LYST: variants seen among roughly 807,000 people sequenced by gnomAD.
The protein encoded by LYST is lysosomal trafficking regulator.
LYST carries 192 observed loss-of-function variants against 413.6 expected under a neutral mutation model. The ratio of observed to expected loss-of-function variants is 0.46; its 90% CI spans 0.41 to 0.52. The LOEUF (loss-of-function observed/expected upper bound fraction) is 0.52, where lower values mean the gene tolerates loss of function less well. Among genes scored for constraint, LYST ranks in the 20% least tolerant of loss-of-function variants. The pLI, the probability that LYST is intolerant of heterozygous loss-of-function variation, is 0.00. For missense variants in LYST, 3,815 were observed against 4,499.9 expected (o/e 0.85, Z 4.35); for synonymous variants, 1,525 against 1,567.3 (o/e 0.97, Z 0.64).
At chr1:235,699,823 T>C (rs555029038) in intron 45 of LYST, among the ~76,000 whole-genome samples, 3 of 152,324 alleles carry the variant, frequency 2.0e-5, no homozygotes, top group South Asian at 2.1e-4. Flanking sequence ...ATTTCTCTAA[T>C]GATCAGTGAT....
chr1:235,758,873 T>C (rs1667293871), intron 23 of LYST, 99 bp downstream of exon 23: 2 of 986,508 alleles, frequency 2.0e-6, no homozygotes, highest in African/African-American at 1.6e-5. Context: ...CTGTTTGTTG[T>C]ATTATAAGTG....
At chr1:235,737,918 T>TAGAGAG in intron 31 of LYST, 1 of 1,164,684 alleles carries the variant, frequency 8.6e-7, no homozygotes, top group Non-Finnish European at 1.1e-6. Flanking sequence ...TGCCGACGAG[T>TAGAGAG]CTGGATCTCA....
At chr1:235,731,682 C>T (rs1366708334) in intron 34 of LYST, among the ~76,000 whole-genome samples, 1 of 151,700 alleles carries the variant, frequency 6.6e-6, no homozygotes, top group Non-Finnish European at 1.5e-5. Context: ...CCTCAGCCTC[C>T]CAAGTAGCTG....
At chr1:235,874,918 G>A (rs897389037) in intron 1 of LYST, among the ~76,000 whole-genome samples, 1 of 152,180 alleles carries the variant, frequency 6.6e-6, no homozygotes, top group Non-Finnish European at 1.5e-5. Context: ...GGGATGGACA[G>A]CAAGGGTGTT....
chr1:235,707,243 A>T (rs891665205), intron 44 of LYST, among the ~76,000 whole-genome samples: 1 of 152,132 alleles, frequency 6.6e-6, no homozygotes, highest in African/African-American at 2.4e-5. Flanking sequence ...TTACTTTTGC[A>T]TCCCCAGCAC....
At chr1:235,738,731 C>T in intron 31 of LYST, 1 of 1,477,028 alleles carries the variant, frequency 6.8e-7, no homozygotes, top group Non-Finnish European at 9.5e-7. Context: ...TGATCAAACT[C>T]AAAGGCTACA....
intron 31 of LYST, chr1:235,737,526 G>A (rs924846267): frequency 6.6e-6 from 1 of 152,196 alleles, no homozygotes; most frequent in Non-Finnish European, 1.5e-5. Context: ...CTTCTTGGGA[G>A]GGAAGTTAGG....
Position 235,856,797 on chromosome 1 carries a change from T to C in LYST, c.-98+10046A>G, listed in dbSNP as rs961972013. Reference sequence around the variant, plus strand: ...CATCACTAAGCAGAAATTCAGGAAATGGCAAAAGATTTTAATCTTGAACAA... The same window carrying C: ...CATCACTAAGCAGAAATTCAGGAAACGGCAAAAGATTTTAATCTTGAACAA... On this transcript the variant is annotated intron_variant, in intron 1 of 52. Coordinates refer to ENST00000389793, the MANE Select transcript of LYST (RefSeq NM_000081.4). Among the ~76,000 whole-genome samples, 6 of 152,128 alleles carry C rather than the reference T, an allele frequency of 3.9e-5. No individual in the cohort carries two copies. The South Asian group carries it at 8.3e-4, about 21-fold the overall frequency.
At position 235,724,110 on chromosome 1, in the gene LYST, C is replaced by T. The variant is rs764697537; in HGVS notation, c.9233G>A (p.Arg3078His). The change falls in exon 39 of 53, where the codon CGT (arginine) becomes CAT (histidine). Residue 3078 changes from arginine to histidine, a missense_variant. Physicochemically the swap from Arg to His is conservative, Grantham distance 29 (BLOSUM62 0). Transcript: ENST00000389793. ...TYEEIKEVHK[R>H]WWQLRDNAVE... The stretch of plus-strand genomic sequence containing the variant: ...AGCATTATCTCTCAATTGCCACCAA[C>T]GCTTGTGAACTTCTTTAATTTCTTC... 6 of 1,613,404 alleles carry T rather than the reference C, an allele frequency of 3.7e-6. No homozygotes were observed. The highest frequency in any genetic ancestry group is 4.2e-6 in the Non-Finnish European group (5 of 1,179,372).
chr1:235,737,841 G>GA, intron 31 of LYST: 1 of 964,046 alleles, frequency 1.0e-6, no homozygotes, highest in Non-Finnish European at 1.3e-6. Context: ...AACAGGGAAG[G>GA]AAACAGCATT....
intron 50 of LYST, among the ~76,000 whole-genome samples, chr1:235,667,793 G>A (rs901565614): frequency 1.3e-5 from 2 of 151,988 alleles, no homozygotes. Flanking sequence ...CTCCTGGGTA[G>A]CTGGGACTAC....
intron 38 of LYST, among the ~76,000 whole-genome samples, chr1:235,724,517 T>C (rs893589105): frequency 2.0e-5 from 3 of 152,180 alleles, no homozygotes; most frequent in African/African-American, 7.2e-5. Flanking sequence ...CTAATTACAA[T>C]TGATGAACCA....
intron 1 of LYST, among the ~76,000 whole-genome samples, chr1:235,860,424 TATA>T (rs1679730231): frequency 6.6e-6 from 1 of 152,218 alleles, no homozygotes; most frequent in African/African-American, 2.4e-5. Context: ...TCGACAAATG[TATA>T]ATAACATGTA....
At chr1:235,684,713 G>A (rs910932193) in intron 48 of LYST, among the ~76,000 whole-genome samples, 2 of 152,048 alleles carry the variant, frequency 1.3e-5, no homozygotes, top group Admixed American at 1.3e-4. Flanking sequence ...CGACCTTCTG[G>A]GCTCAAGTGA....
intron 1 of LYST, among the ~76,000 whole-genome samples, chr1:235,878,889 T>A (rs1174779657): frequency 1.3e-5 from 2 of 150,756 alleles, no homozygotes; most frequent in African/African-American, 4.9e-5. Context: ...AGTATTTAAA[T>A]TTTTTTTTTA....
At chr1:235,833,314 G>C (rs1192811599) in intron 2 of LYST, among the ~76,000 whole-genome samples, 1 of 151,998 alleles carries the variant, frequency 6.6e-6, no homozygotes, top group Non-Finnish European at 1.5e-5. Context: ...TATATAACAT[G>C]AGGTTATAGC....
At position 235,712,839 on chromosome 1, in the gene LYST, T is replaced by C. The variant is rs889107674; in HGVS notation, c.9785-642A>G. 25 of 985,028 alleles carry C rather than the reference T, an allele frequency of 2.5e-5. No individual in the cohort carries two copies. In the African/African-American group the frequency reaches 3.7e-4, roughly 14 times the overall value. The allele number at this position is 985,028 out of a possible 1,614,324, so 61.0% of individuals were successfully genotyped here. A position where few individuals can be genotyped will look rare whatever the true frequency, so the allele number is the denominator to read the frequency against. On this transcript the variant is annotated intron_variant, in intron 42 of 52. Coordinates refer to ENST00000389793, the MANE Select transcript of LYST (RefSeq NM_000081.4). ...TTTTTCCAGGGTAGACTATTAATAA[T>C]AAAGAATTAAGTTTGGACTCTCTTT...
intron 39 of LYST, 53 bp from the exon 40 acceptor site, chr1:235,720,958 C>T: frequency 6.4e-7 from 1 of 1,561,888 alleles, no homozygotes; most frequent in Non-Finnish European, 8.8e-7. Context: ...GTCTTATTGG[C>T]ACTTTTCTCC....
rs1218476382 is a variant in LYST, at chr1:235,804,724, G to A, written c.3394-59C>T. ...TAACCATTTTAAAAAACTAAATGAT[G>A]AAAAAATAAATAATAAATATTTACT... On this transcript the variant is annotated intron_variant, in intron 6 of 52. Coordinates refer to ENST00000389793, the MANE Select transcript of LYST (RefSeq NM_000081.4). 9.0e-6 allele frequency: 9 copies of A among 998,052 alleles called. No homozygotes were observed. The Admixed American group carries it at 1.7e-4, about 19-fold the overall frequency. 61.8% of individuals were successfully genotyped at this position (998,052 alleles called of 1,614,324 possible).
Sources: allele counts gnomAD v4.1 joint callset (sites outside exome capture counted in the v4.1 genomes callset), GRCh38; gene constraint gnomAD v4.1.1; transcripts MANE v1.5; gene names NCBI Gene and HGNC (gene_info 2026-07-23, HGNC 2026-07-21).